Variants in UTRN observed in about 807,000 individuals in gnomAD.
UTRN encodes the protein dystrophin-related protein 1.
UTRN carries 283 observed loss-of-function variants against 463.9 expected under a neutral mutation model. The ratio of observed to expected loss-of-function variants is 0.61; its 90% confidence interval spans 0.55 to 0.67. UTRN has a LOEUF of 0.67. Ranked by LOEUF, UTRN falls within the 30% of genes least tolerant of loss-of-function variation. The probability of loss-of-function intolerance (pLI) is 0.00; values close to 1 mark genes in which losing one functional copy is unlikely to be tolerated. For missense variants in UTRN, 3,922 were observed against 4,084.3 expected, an observed-to-expected ratio of 0.96 and a Z score of 1.08; for synonymous variants, 1,442 against 1,431.5, an observed-to-expected ratio of 1.01 and a Z score of -0.17.
chr6:144,352,397 A>G (rs1778184412), intron 2 of UTRN, among the ~76,000 whole-genome samples: 1 of 152,202 alleles, frequency 6.6e-6, no homozygotes, highest in Non-Finnish European at 1.5e-5. Flanking sequence ...TAATTATTAA[A>G]TTCTCACTTT....
intron 54 of UTRN, among the ~76,000 whole-genome samples, chr6:144,732,487 T>A (rs1014510080): frequency 6.6e-6 from 1 of 151,876 alleles, no homozygotes; most frequent in African/African-American, 2.4e-5. Flanking sequence ...CACGTAGTAT[T>A]TGCCCATATA....
intron 51 of UTRN, among the ~76,000 whole-genome samples, chr6:144,643,941 G>A (rs992101507): frequency 2.0e-5 from 3 of 152,066 alleles, no homozygotes; most frequent in Non-Finnish European, 2.9e-5. Flanking sequence ...CTGTCGTGTC[G>A]CATTTGTAAT....
At chr6:144,366,849 A>G (rs9386066) in intron 2 of UTRN, among the ~76,000 whole-genome samples, 112,837 of 152,132 alleles carry the variant, frequency 0.74, 42,290 homozygotes, top group African/African-American at 0.84. Flanking sequence ...TGGTTGGACT[A>G]ATTTACACTC....
At chr6:144,524,571 A>G (rs1796397865) in intron 41 of UTRN, among the ~76,000 whole-genome samples, 1 of 152,110 alleles carries the variant, frequency 6.6e-6, no homozygotes, top group African/African-American at 2.4e-5. Flanking sequence ...TTTATTTACC[A>G]GTTCTAGGAG....
intron 23 of UTRN, among the ~76,000 whole-genome samples, chr6:144,470,852 C>T (rs1419206434): frequency 6.6e-6 from 1 of 151,876 alleles, no homozygotes; most frequent in African/African-American, 2.4e-5. Context: ...CGGCGAAACC[C>T]CGTCTCCACC....
At chr6:144,512,389 G>A (rs944516852) in intron 35 of UTRN, among the ~76,000 whole-genome samples, 1 of 152,048 alleles carries the variant, frequency 6.6e-6, no homozygotes, top group East Asian at 1.9e-4. Context: ...CTTAATAGGG[G>A]TAAACAAGTC....
At chr6:144,309,989 C>A (rs548653646) in intron 2 of UTRN, among the ~76,000 whole-genome samples, 2 of 152,322 alleles carry the variant, frequency 1.3e-5, no homozygotes, top group East Asian at 3.9e-4. Flanking sequence ...AATAGCAAAT[C>A]CTTCCCTCAT....
chr6:144,286,845 C>G lies in UTRN; in HGVS notation c.-93+1024C>G, dbSNP rs1803715058. ...AGCTCGGGTTCTAACTCCACGGCCCCGCTCTCTGAGGTGTTCAGGACAGGG... is the reference window on the plus strand; with the variant it reads ...AGCTCGGGTTCTAACTCCACGGCCCGGCTCTCTGAGGTGTTCAGGACAGGG... On this transcript the variant is annotated intron_variant, in intron 1 of 74. Transcript: ENST00000367545. This position sits in a 1 kb window ranked among gnomAD's most constrained non-coding sequence, Gnocchi z 4.4. Among the ~76,000 whole-genome samples the G allele has an allele frequency of 6.6e-6, 1 of 152,084 alleles. No individual in the cohort carries two copies.
At chr6:144,396,445 A>G (rs145608451) in intron 2 of UTRN, among the ~76,000 whole-genome samples, 1,577 of 152,338 alleles carry the variant, frequency 0.01, 27 homozygotes, top group African/African-American at 0.034. Context: ...GGGACTAGAT[A>G]GTGGTTATGG....
intron 71 of UTRN, among the ~76,000 whole-genome samples, chr6:144,837,953 A>G (rs765186500): frequency 1.3e-5 from 2 of 152,224 alleles, no homozygotes; most frequent in East Asian, 3.9e-4. Context: ...TTTGAGTCTT[A>G]CTTAGTGCCA....
chr6:144,527,702 T>C (rs1382247940), intron 41 of UTRN, among the ~76,000 whole-genome samples: 2 of 152,222 alleles, frequency 1.3e-5, no homozygotes, highest in East Asian at 3.8e-4. Flanking sequence ...TCTTTTTTCT[T>C]TTTCTTTGTC....
Position 144,537,615 on chromosome 6 carries a change from C to G in UTRN, c.6267C>G (p.Tyr2089Ter). The change falls in exon 44 of 75, where the codon TAC (tyrosine) becomes TAG (stop). Residue 2089 changes from tyrosine (Y) to a stop codon, truncating the protein, a stop_gained. Transcript: ENST00000367545. LOFTEE classifies it high-confidence loss of function. The part of the protein sequence containing the change: ...LKGESKQVMK[Y>*]RHQLDEIICW... ...GAGAAAGTAAGCAGGTGATGAAGTA[C>G]AGGCATCAGCTAGATGAGATTATCT... 6.2e-7 allele frequency: 1 copy of G among 1,607,154 alleles called. No homozygotes were observed. Among genetic ancestry groups the G allele is most frequent in the Non-Finnish European group, 8.5e-7 (1 of 1,177,196 alleles).
At chr6:144,576,554 T>A (rs1801454734) in intron 50 of UTRN, among the ~76,000 whole-genome samples, 2 of 152,186 alleles carry the variant, frequency 1.3e-5, no homozygotes, top group Admixed American at 1.3e-4. Flanking sequence ...ATTTTTATTT[T>A]GTCTTAAATA....
chr6:144,469,755 G>T (rs556508325), intron 23 of UTRN, among the ~76,000 whole-genome samples: 2 of 142,800 alleles, frequency 1.4e-5, no homozygotes, highest in African/African-American at 5.6e-5. Context: ...CGGAGAGGGG[G>T]ATTTGGCAGG....
At chr6:144,700,362 C>T (rs1784460635) in intron 53 of UTRN, 119 bp downstream of exon 53, 3 of 1,183,722 alleles carry the variant, frequency 2.5e-6, no homozygotes, top group Non-Finnish European at 2.3e-6. Context: ...CCCCCCCCAC[C>T]ACCGTCTGCT....
intron 2 of UTRN, among the ~76,000 whole-genome samples, chr6:144,323,620 A>G (rs1775799380): frequency 6.6e-6 from 1 of 152,244 alleles, no homozygotes; most frequent in African/African-American, 2.4e-5. Context: ...GGTTTAAAGA[A>G]AATAAAAGAA....
At chr6:144,628,519 G>A (rs1776179199) in intron 51 of UTRN, among the ~76,000 whole-genome samples, 1 of 152,118 alleles carries the variant, frequency 6.6e-6, no homozygotes, top group Admixed American at 6.5e-5. Context: ...CTACTGAGCT[G>A]TTTAAACTGT....
At chr6:144,528,895 T>C (rs1796791252) in intron 41 of UTRN, among the ~76,000 whole-genome samples, 1 of 152,232 alleles carries the variant, frequency 6.6e-6, no homozygotes, top group South Asian at 2.1e-4. Context: ...CTTTGGCTAC[T>C]GGGGCGAGTA....
chr6:144,508,114 A>T (rs1296992418), intron 34 of UTRN, among the ~76,000 whole-genome samples: 1 of 152,096 alleles, frequency 6.6e-6, no homozygotes, highest in African/African-American at 2.4e-5. Context: ...TTCCAGGTCG[A>T]CTTCAGACTG....
Sources: gnomAD v4.1 joint callset for allele counts (sites outside exome capture counted in the v4.1 genomes callset) on GRCh38, gnomAD v4.1.1 for gene constraint, Gnocchi (gnomAD v3.1) non-coding constraint, MANE v1.5 for transcripts, NCBI Gene and HGNC (gene_info 2026-07-23, HGNC 2026-07-21) for gene names.